The following ST6GALNAC3 variants were observed in gnomAD, a reference collection of about 807,000 sequenced individuals.
ST6GALNAC3 encodes ST6 N-acetylgalactosaminide alpha-2,6-sialyltransferase 3.
A neutral mutation model predicts 32.7 loss-of-function variants in ST6GALNAC3; 25 were observed. The ratio of observed to expected loss-of-function variants is 0.76; its 90% CI spans 0.56 to 1.07. The LOEUF (loss-of-function observed/expected upper bound fraction) is 1.07, where lower values mean the gene tolerates loss of function less well. Ranked by LOEUF, ST6GALNAC3 falls within the 50% of genes least tolerant of loss-of-function variation. The pLI is 0.00. For synonymous variants in ST6GALNAC3, 129 were observed against 133.1 expected, an observed-to-expected ratio of 0.97 and a Z score of 0.21; for missense variants, 355 against 382.4, an observed-to-expected ratio of 0.93 and a Z score of 0.60.
chr1:76,162,484 G>A (rs189722768), intron 1 of ST6GALNAC3, among the ~76,000 whole-genome samples: 7 of 152,262 alleles, frequency 4.6e-5, no homozygotes, highest in South Asian at 2.1e-4. Context: ...GTTGCAGGAC[G>A]CGGGTGAGTT....
At chr1:76,240,172 A>G (rs779462104) in intron 1 of ST6GALNAC3, among the ~76,000 whole-genome samples, 53 of 152,222 alleles carry the variant, frequency 3.5e-4, no homozygotes, top group Non-Finnish European at 6.6e-4. Context: ...CAAGCATTCA[A>G]TAAATGGCAT....
chr1:76,445,123 A>G (rs184081766), intron 3 of ST6GALNAC3, among the ~76,000 whole-genome samples: 1 of 152,296 alleles, frequency 6.6e-6, no homozygotes, highest in East Asian at 1.9e-4. Context: ...ACTTTGTGAC[A>G]ACTTCAGAGA....
chr1:76,251,040 T>C (rs1419360487), intron 1 of ST6GALNAC3, among the ~76,000 whole-genome samples: 2 of 152,144 alleles, frequency 1.3e-5, no homozygotes, highest in Non-Finnish European at 2.9e-5. Flanking sequence ...CATCTTTACA[T>C]AGAAATCCCA....
At chr1:76,249,558 A>T (rs1426054295) in intron 1 of ST6GALNAC3, among the ~76,000 whole-genome samples, 1 of 152,084 alleles carries the variant, frequency 6.6e-6, no homozygotes, top group Non-Finnish European at 1.5e-5. Context: ...TTAGGATGTC[A>T]TTAATAATGT....
At chr1:76,140,870 T>G (rs1650279829) in intron 1 of ST6GALNAC3, among the ~76,000 whole-genome samples, 1 of 150,468 alleles carries the variant, frequency 6.6e-6, no homozygotes, top group African/African-American at 2.4e-5. Context: ...ACTCCTGGCT[T>G]AAAGTAATCC....
chr1:76,113,529 T>G (rs962378348), intron 1 of ST6GALNAC3, among the ~76,000 whole-genome samples: 3 of 144,192 alleles, frequency 2.1e-5, no homozygotes, highest in East Asian at 2.0e-4. Context: ...TGTTTTTCTG[T>G]TTTTTTTTTT....
At chr1:76,458,557 A>G (rs1658023512) in intron 3 of ST6GALNAC3, among the ~76,000 whole-genome samples, 1 of 146,616 alleles carries the variant, frequency 6.8e-6, no homozygotes, top group Non-Finnish European at 1.5e-5. Context: ...ATGCAGCCAT[A>G]AAAAATGATG....
intron 1 of ST6GALNAC3, among the ~76,000 whole-genome samples, chr1:76,164,264 G>A (rs1387994926): frequency 6.6e-6 from 1 of 152,080 alleles, no homozygotes; most frequent in African/African-American, 2.4e-5. Context: ...TCCAAGGAGA[G>A]AGGGAAAGAG....
chr1:76,096,125 C>T (rs1406081793), intron 1 of ST6GALNAC3, among the ~76,000 whole-genome samples: 1 of 152,152 alleles, frequency 6.6e-6, no homozygotes, highest in Non-Finnish European at 1.5e-5. Context: ...CTGTCACTGC[C>T]TCCTGATGCA....
intron 1 of ST6GALNAC3, among the ~76,000 whole-genome samples, chr1:76,102,246 T>G (rs1647257248): frequency 6.6e-6 from 1 of 151,610 alleles, no homozygotes; most frequent in Admixed American, 6.6e-5. Context: ...TGTGTGTGTG[T>G]GTGTGTGTGT....
intron 1 of ST6GALNAC3, among the ~76,000 whole-genome samples, chr1:76,085,581 G>A (rs1646953942): frequency 6.6e-6 from 1 of 152,194 alleles, no homozygotes; most frequent in East Asian, 1.9e-4. Context: ...TGACCTCAGT[G>A]CTGGAAAACT....
chr1:76,336,183 G>A (rs1198027118), intron 2 of ST6GALNAC3, among the ~76,000 whole-genome samples: 4 of 152,182 alleles, frequency 2.6e-5, no homozygotes, highest in African/African-American at 9.7e-5. Flanking sequence ...GGAGAACACA[G>A]GGGAGATTGC....
intron 3 of ST6GALNAC3, among the ~76,000 whole-genome samples, chr1:76,413,846 A>G (rs746124155): frequency 3.9e-5 from 6 of 152,120 alleles, no homozygotes; most frequent in Non-Finnish European, 8.8e-5. Context: ...TATGAAGCCT[A>G]TTCACAAAGG....
chr1:76,486,123 T>G (rs892488169), intron 3 of ST6GALNAC3, among the ~76,000 whole-genome samples: 4 of 152,226 alleles, frequency 2.6e-5, no homozygotes, highest in African/African-American at 9.6e-5. Flanking sequence ...TTACATTTGC[T>G]AAGGAGTGCT....
In ST6GALNAC3 at chr1:76,614,931, G is replaced by A. The variant is rs569907833; in HGVS notation, c.624-12521G>A. Among the ~76,000 whole-genome samples, 4 of 151,998 alleles carry A rather than the reference G, an allele frequency of 2.6e-5. No homozygotes were observed. In the South Asian group the frequency reaches 8.3e-4, roughly 32 times the overall value. On this transcript the variant is annotated intron_variant, in intron 3 of 4. Transcript: ENST00000328299. ...GGGCTAGGGTTCCAGGGGGTGCAGG[G>A]TGTCGTCTGGGGTATTGTGGCATTG...
At chr1:76,253,142 A>G (rs935726192) in intron 1 of ST6GALNAC3, among the ~76,000 whole-genome samples, 3 of 152,166 alleles carry the variant, frequency 2.0e-5, no homozygotes, top group Non-Finnish European at 4.4e-5. Flanking sequence ...CACTAAAAGA[A>G]TGGAAATCTG....
intron 3 of ST6GALNAC3, among the ~76,000 whole-genome samples, chr1:76,624,708 C>T (rs950161205): frequency 3.4e-4 from 52 of 151,860 alleles, no homozygotes; most frequent in African/African-American, 1.2e-3. Context: ...CCTTGGCCTT[C>T]GTCAGCCATT....
intron 1 of ST6GALNAC3, among the ~76,000 whole-genome samples, chr1:76,302,507 T>C (rs1327709368): frequency 6.6e-6 from 1 of 152,054 alleles, no homozygotes; most frequent in Non-Finnish European, 1.5e-5. Context: ...TAGACTCCCA[T>C]CTTACTTTTC....
intron 3 of ST6GALNAC3, among the ~76,000 whole-genome samples, chr1:76,463,367 C>A (rs1453971089): frequency 6.6e-6 from 1 of 152,136 alleles, no homozygotes; most frequent in African/African-American, 2.4e-5. Flanking sequence ...GGAATGCATT[C>A]ATGTGCAGAG....
Sources: gnomAD v4.1 joint callset for allele counts (sites outside exome capture counted in the v4.1 genomes callset) on GRCh38, gnomAD v4.1.1 for gene constraint, MANE v1.5 for transcripts, NCBI Gene and HGNC (gene_info 2026-07-23, HGNC 2026-07-21) for gene names.